Variants in PPP1R16B observed in about 807,000 individuals in gnomAD.
PPP1R16B encodes the protein protein phosphatase 1 regulatory inhibitor subunit 16B.
In PPP1R16B, 14 loss-of-function variants were observed where a neutral mutation model predicts 61.7. That is an observed-to-expected ratio of 0.23 (90% CI 0.15 to 0.35). PPP1R16B has a LOEUF of 0.35. Among genes scored for constraint, PPP1R16B ranks in the 10% least tolerant of loss-of-function variants. The pLI, the probability that PPP1R16B is intolerant of heterozygous loss-of-function variation, is 1.00. For missense variants in PPP1R16B, 547 were observed against 752.5 expected (o/e 0.73, Z 3.19); for synonymous variants, 266 against 305.3 (o/e 0.87, Z 1.34).
In PPP1R16B at chr20:38,905,217, C is replaced by G. The variant is rs1035951824; in HGVS notation, c.697-752C>G. On this transcript the variant is annotated intron_variant, in intron 6 of 10. Transcript: ENST00000299824. ...TTAGGAACAGCTTAACTGGGTGGCT[C>G]TGGCTTGGTGGCTCTCATGATATTG... Among the ~76,000 whole-genome samples the G allele has an allele frequency of 1.3e-5, 2 of 152,176 alleles. 1 individual carries two copies. The highest frequency in any genetic ancestry group is 1.3e-4 in the Admixed American group (2 of 15,266).
intron 5 of PPP1R16B, 141 bp from the exon 6 acceptor site, chr20:38,902,527 A>C: frequency 8.4e-7 from 1 of 1,196,782 alleles, no homozygotes; most frequent in Non-Finnish European, 1.2e-6. Flanking sequence ...CCTGAAGACA[A>C]TGATCTATGG....
chr20:38,913,043 TG>T (rs1236316382), intron 10 of PPP1R16B, among the ~76,000 whole-genome samples: 3 of 150,956 alleles, frequency 2.0e-5, no homozygotes, highest in East Asian at 4.0e-4. Flanking sequence ...CTAATTTTTG[TG>T]TTTTTTGGTA....
intron 2 of PPP1R16B, among the ~76,000 whole-genome samples, chr20:38,848,274 T>C (rs1189238292): frequency 1.3e-5 from 2 of 152,214 alleles, no homozygotes; most frequent in African/African-American, 4.8e-5. Flanking sequence ...TAGGTAGTAT[T>C]TCTGGACTTC....
At chr20:38,899,386 G>A (rs933434614) in intron 4 of PPP1R16B, among the ~76,000 whole-genome samples, 37 of 152,178 alleles carry the variant, frequency 2.4e-4, no homozygotes, top group African/African-American at 8.4e-4. Flanking sequence ...AAAGCTGATC[G>A]GTATTACAAT....
intron 2 of PPP1R16B, among the ~76,000 whole-genome samples, chr20:38,838,951 G>A (rs1190037076): frequency 1.3e-5 from 2 of 152,160 alleles, no homozygotes; most frequent in Admixed American, 6.5e-5. Flanking sequence ...TTTTTGAGAC[G>A]AAGTCTCGCT....
intron 2 of PPP1R16B, among the ~76,000 whole-genome samples, chr20:38,844,281 G>A (rs1481679602): frequency 1.3e-5 from 2 of 152,182 alleles, no homozygotes; most frequent in Admixed American, 6.5e-5. Flanking sequence ...CTGTAAGTTC[G>A]TGGTAGCTAT....
intron 2 of PPP1R16B, among the ~76,000 whole-genome samples, chr20:38,882,998 T>G (rs2085213899): frequency 6.6e-6 from 1 of 152,010 alleles, no homozygotes; most frequent in Non-Finnish European, 1.5e-5. Flanking sequence ...AAGGCAGGTG[T>G]GGAGCAGGCA....
Position 38,908,146 on chromosome 20 carries a change from A to C in PPP1R16B, c.1147A>C (p.Asn383His). 6.2e-7 allele frequency: 1 copy of C among 1,614,222 alleles called. No homozygotes were observed. Among genetic ancestry groups the C allele is most frequent in the South Asian group, 1.1e-5 (1 of 91,088 alleles). ...TGAGGATCAGCGGACCTCCACCTAC[A>C]ACGGGGACATCAGGGAGACCAGGAC... ...AAEDQRTSTY[N>H]GDIRETRTDQ... Residue 383 changes from asparagine (N) to histidine (H), a missense_variant, in exon 10 of 11, where the codon AAC becomes CAC. Coordinates refer to ENST00000299824, the MANE Select transcript of PPP1R16B (RefSeq NM_015568.4).
chr20:38,902,090 C>T (rs1390609418), intron 5 of PPP1R16B, among the ~76,000 whole-genome samples: 3 of 152,214 alleles, frequency 2.0e-5, no homozygotes, highest in Admixed American at 6.5e-5. Flanking sequence ...TTGTAGCTGT[C>T]AGTAACACAC....
rs769632986 is a variant in PPP1R16B, at chr20:38,907,983, T to G, written c.1029-45T>G. The G allele has an allele frequency of 7.2e-5, 116 of 1,613,998 alleles. 1 individual carries two copies. In the South Asian group the frequency reaches 9.4e-4, roughly 13 times the overall value. ...AGGAGTCCCTGTGTGTGCTCCTGCCTGTGGTGCCTGGGTGCAGCCTCTAGG... is the reference window on the plus strand; with the variant it reads ...AGGAGTCCCTGTGTGTGCTCCTGCCGGTGGTGCCTGGGTGCAGCCTCTAGG... On this transcript the variant is annotated intron_variant, in intron 9 of 10. Coordinates refer to ENST00000299824, the MANE Select transcript of PPP1R16B (RefSeq NM_015568.4). The surrounding 1 kb of genome is among the most constrained non-coding windows in gnomAD (Gnocchi z 4.5).
At chr20:38,865,399 C>G (rs1043364288) in intron 2 of PPP1R16B, among the ~76,000 whole-genome samples, 6 of 151,994 alleles carry the variant, frequency 3.9e-5, no homozygotes, top group Non-Finnish European at 5.9e-5. Context: ...ACGCCATTCT[C>G]CTGCCTCAGC....
At position 38,921,292 on chromosome 20, in the gene PPP1R16B, G is replaced by A. The variant is rs1316600614; in HGVS notation, c.*2626G>A. The A allele has an allele frequency of 6.6e-6, 1 of 152,234 alleles. No homozygotes were observed. Among genetic ancestry groups the A allele is most frequent in the Non-Finnish European group, 1.5e-5 (1 of 68,052 alleles). 9.4% of individuals were successfully genotyped at this position (152,234 alleles called of 1,614,324 possible). A position where few individuals can be genotyped will look rare whatever the true frequency, so the allele number is the denominator to read the frequency against. ...AGTTGGAGACCAACCTCCAATGAAT[G>A]AGCCGCGGTCATTCATTAATTCACT... On this transcript the variant is annotated 3_prime_UTR_variant, in exon 11 of 11. Transcript: ENST00000299824.
chr20:38,863,219 G>A (rs1206454628), intron 2 of PPP1R16B, among the ~76,000 whole-genome samples: 1 of 152,128 alleles, frequency 6.6e-6, no homozygotes, highest in Admixed American at 6.5e-5. Context: ...TGTGGAAATG[G>A]GGACGTTCCC....
chr20:38,844,872 T>TA lies in PPP1R16B; in HGVS notation c.250+8697_250+8698insA, dbSNP rs1215754808. Among the ~76,000 whole-genome samples, 3 of 152,224 alleles carry TA rather than the reference T, an allele frequency of 2.0e-5. No individual in the cohort carries two copies. The East Asian group carries it at 5.8e-4, about 29-fold the overall frequency. Reference sequence around the variant, plus strand: ...AAATTATTTTGATGTTTTAATACCCTGAAAGAGTCTAGAGACCACTTTGAG... The same window carrying TA: ...AAATTATTTTGATGTTTTAATACCCTAGAAAGAGTCTAGAGACCACTTTGAG... On this transcript the variant is annotated intron_variant, in intron 2 of 10. Coordinates refer to ENST00000299824, the MANE Select transcript of PPP1R16B (RefSeq NM_015568.4).
chr20:38,910,620 A>G (rs970228022), intron 10 of PPP1R16B, among the ~76,000 whole-genome samples: 1 of 148,464 alleles, frequency 6.7e-6, no homozygotes, highest in Non-Finnish European at 1.5e-5. Context: ...TGCAGCCTTG[A>G]CCTCTTGGGA....
At chr20:38,850,032 C>A (rs1353149423) in intron 2 of PPP1R16B, among the ~76,000 whole-genome samples, 2 of 152,156 alleles carry the variant, frequency 1.3e-5, no homozygotes, top group South Asian at 2.1e-4. Flanking sequence ...TCAAAGATAG[C>A]ACAGCTTCAG....
intron 2 of PPP1R16B, among the ~76,000 whole-genome samples, chr20:38,867,355 TG>T (rs1370241646): frequency 6.6e-6 from 1 of 152,194 alleles, no homozygotes; most frequent in Non-Finnish European, 1.5e-5. Flanking sequence ...GAGCTTCCTG[TG>T]TGGTCCAACT....
chr20:38,869,045 C>T (rs577448728), intron 2 of PPP1R16B, among the ~76,000 whole-genome samples: 7 of 152,320 alleles, frequency 4.6e-5, no homozygotes, highest in East Asian at 3.9e-4. Flanking sequence ...CAATCCCCTA[C>T]GCTCTTCCAG....
intron 2 of PPP1R16B, among the ~76,000 whole-genome samples, chr20:38,850,448 C>T (rs771784791): frequency 4.6e-5 from 7 of 152,140 alleles, no homozygotes; most frequent in Non-Finnish European, 8.8e-5. Context: ...AAATATTCAC[C>T]GGCAGTTTCT....
Sources: gnomAD v4.1 joint callset for allele counts (sites outside exome capture counted in the v4.1 genomes callset) on GRCh38, gnomAD v4.1.1 for gene constraint, Gnocchi (gnomAD v3.1) non-coding constraint, MANE v1.5 for transcripts, NCBI Gene and HGNC (gene_info 2026-07-23, HGNC 2026-07-21) for gene names.